The following CPED1 variants were observed in gnomAD, a reference collection of about 807,000 sequenced individuals.
CPED1 encodes cadherin-like and PC-esterase domain-containing protein 1.
A neutral mutation model predicts 128.2 loss-of-function variants in CPED1; 114 were observed. The ratio of observed to expected loss-of-function variants is 0.89; its 90% CI spans 0.76 to 1.04. The LOEUF (loss-of-function observed/expected upper bound fraction) is 1.04, where lower values mean the gene tolerates loss of function less well. Ranked by LOEUF, CPED1 falls within the 50% of genes least tolerant of loss-of-function variation. The pLI is 0.00. For missense variants in CPED1, 1,211 were observed against 1,207.1 expected (o/e 1.00, Z -0.05); for synonymous variants, 462 against 426.7 (o/e 1.08, Z -1.02).
intron 16 of CPED1, among the ~76,000 whole-genome samples, chr7:121,221,698 A>G (rs1688543132): frequency 6.6e-6 from 1 of 152,178 alleles, no homozygotes; most frequent in African/African-American, 2.4e-5. Flanking sequence ...TTTGATTTGC[A>G]TTTCTCTGAT....
chr7:121,290,116 T>C (rs900088052), intron 22 of CPED1, among the ~76,000 whole-genome samples: 2 of 152,200 alleles, frequency 1.3e-5, no homozygotes, highest in African/African-American at 2.4e-5. Flanking sequence ...TTCATCCATG[T>C]CACTGCAAAG....
chr7:121,008,687 T>C (rs936630643), intron 2 of CPED1, among the ~76,000 whole-genome samples: 13 of 152,182 alleles, frequency 8.5e-5, no homozygotes, highest in African/African-American at 3.1e-4. Context: ...GATCATTCTT[T>C]AACAAACCAG....
At chr7:121,080,079 A>T (rs913835936) in intron 5 of CPED1, among the ~76,000 whole-genome samples, 1 of 152,212 alleles carries the variant, frequency 6.6e-6, no homozygotes, top group African/African-American at 2.4e-5. Context: ...ATACCAAAAC[A>T]GCTGGCTAAC....
chr7:121,217,478 G>GAAACA (rs1797783969), intron 16 of CPED1, among the ~76,000 whole-genome samples: 1 of 151,978 alleles, frequency 6.6e-6, no homozygotes, highest in Non-Finnish European at 1.5e-5. Context: ...TCATTGTTTT[G>GAAACA]TATTTCCTAG....
At chr7:121,100,611 A>G (rs1207665212) in intron 7 of CPED1, among the ~76,000 whole-genome samples, 1 of 152,324 alleles carries the variant, frequency 6.6e-6, no homozygotes, top group Non-Finnish European at 1.5e-5. Flanking sequence ...GAAGAACTCA[A>G]TAATAATCCC....
intron 5 of CPED1, chr7:121,076,744 C>T (rs956431360): frequency 1.3e-5 from 2 of 152,048 alleles, no homozygotes; most frequent in African/African-American, 4.8e-5. Context: ...GTTCTGTATT[C>T]AGGGAAAAGG....
At chr7:121,168,063 G>A (rs762020251) in intron 16 of CPED1, among the ~76,000 whole-genome samples, 4 of 152,108 alleles carry the variant, frequency 2.6e-5, no homozygotes, top group Non-Finnish European at 4.4e-5. Flanking sequence ...ACTCGAAAGA[G>A]CTGAGCTTAG....
chr7:121,047,666 TC>T (rs1793236358), intron 4 of CPED1, among the ~76,000 whole-genome samples: 1 of 9,074 alleles, frequency 1.1e-4, no homozygotes, highest in East Asian at 3.2e-3. Flanking sequence ...TTCTTCTTCT[TC>T]TTCTTCTTCT....
rs1357014406 is a variant in CPED1, at chr7:121,185,368, TAGAA to T, written c.2055+43231_2055+43234del. On this transcript the variant is annotated intron_variant, in intron 16 of 22. Transcript: ENST00000310396. ...TCATAAATGACTATGACAAATAGCATAGAAAGACATGCATTGTAGAATTATTTCA... is the reference window on the plus strand; with the variant it reads ...TCATAAATGACTATGACAAATAGCATAGACATGCATTGTAGAATTATTTCA... Among the ~76,000 whole-genome samples the T allele has an allele frequency of 5.3e-5, 8 of 152,334 alleles. No homozygotes were observed. The East Asian group carries it at 1.5e-3, about 29-fold the overall frequency.
At chr7:121,034,975 T>C (rs1052208294) in intron 3 of CPED1, among the ~76,000 whole-genome samples, 1 of 152,164 alleles carries the variant, frequency 6.6e-6, no homozygotes, top group African/African-American at 2.4e-5. Flanking sequence ...TAGGAAGGTG[T>C]CACAAGTAGA....
intron 6 of CPED1, among the ~76,000 whole-genome samples, chr7:121,099,487 C>T (rs1372288210): frequency 6.6e-6 from 1 of 152,120 alleles, no homozygotes; most frequent in Non-Finnish European, 1.5e-5. Context: ...CCTGCCTCAG[C>T]CTCCCAAGTA....
At chr7:121,082,036 A>G (rs1204183160) in intron 5 of CPED1, among the ~76,000 whole-genome samples, 2 of 152,148 alleles carry the variant, frequency 1.3e-5, no homozygotes, top group African/African-American at 4.8e-5. Context: ...ACCCTAAAGG[A>G]AGGAATTTAC....
At position 121,175,282 on chromosome 7, in the gene CPED1, T is replaced by C. The variant is rs1404265; in HGVS notation, c.2055+33141T>C. Among the ~76,000 whole-genome samples, 1,001 of 152,240 alleles carry C rather than the reference T, an allele frequency of 6.6e-3. 10 individuals carry two copies. Among genetic ancestry groups the C allele is most frequent in the African/African-American group, 0.022 (929 of 41,544 alleles). On this transcript the variant is annotated intron_variant, in intron 16 of 22. Transcript: ENST00000310396. Reference sequence around the variant, plus strand: ...AATAGAAGTAGTGAGAGGGCATCCTTGTCTTGTGACAGTTTTCAAGGGGAA... The same window carrying C: ...AATAGAAGTAGTGAGAGGGCATCCTCGTCTTGTGACAGTTTTCAAGGGGAA...
chr7:121,107,589 A>G (rs915576168), intron 7 of CPED1, among the ~76,000 whole-genome samples: 29 of 152,250 alleles, frequency 1.9e-4, no homozygotes, highest in African/African-American at 6.3e-4. Context: ...ACAAAGTGGT[A>G]TGTGGGTGCA....
At chr7:121,047,647 T>TCTTCCTCTTCCTCTTCCTCTTCC (rs1437102895) in intron 4 of CPED1, among the ~76,000 whole-genome samples, 1 of 1,482 alleles carries the variant, frequency 6.7e-4, no homozygotes, top group African/African-American at 1.4e-3. Context: ...GATAGCACCT[T>TCTTCCTCTTCCTCTTCCTCTTCC]TCTTCTTCTT....
Position 121,127,189 on chromosome 7 carries a change from C to T in CPED1, c.1234C>T (p.Pro412Ser). 6.3e-7 allele frequency: 1 copy of T among 1,593,460 alleles called. No individual in the cohort carries two copies. The highest frequency in any genetic ancestry group is 8.6e-7 in the Non-Finnish European group (1 of 1,163,306). Residue 412 changes from proline (P) to serine (S), a missense_variant, in exon 10 of 23, where the codon CCT becomes TCT. Coordinates refer to ENST00000310396, the MANE Select transcript of CPED1 (RefSeq NM_024913.5). ...LLNDTFNFLF[P>S]NESSLSIFSE... Reference sequence around the variant, plus strand: ...AAATGACACTTTCAATTTTCTCTTCCCTAATGAATCATCACTTTCCATATT... The same window carrying T: ...AAATGACACTTTCAATTTTCTCTTCTCTAATGAATCATCACTTTCCATATT...
intron 3 of CPED1, among the ~76,000 whole-genome samples, chr7:121,046,615 A>G (rs1390875783): frequency 6.6e-6 from 1 of 151,946 alleles, no homozygotes; most frequent in Non-Finnish European, 1.5e-5. Flanking sequence ...AATGAATTTT[A>G]TAATGTCTTT....
chr7:121,233,444 G>A (rs933001895), intron 16 of CPED1, among the ~76,000 whole-genome samples: 1 of 152,070 alleles, frequency 6.6e-6, no homozygotes, highest in Non-Finnish European at 1.5e-5. Context: ...AGCTACTTGG[G>A]AAACTGAGAT....
intron 21 of CPED1, among the ~76,000 whole-genome samples, chr7:121,271,016 G>A (rs1356674624): frequency 6.6e-6 from 1 of 151,798 alleles, no homozygotes; most frequent in Non-Finnish European, 1.5e-5. Flanking sequence ...AGTCTTTGTG[G>A]GCAATAAATT....
Sources: allele counts gnomAD v4.1 joint callset (sites outside exome capture counted in the v4.1 genomes callset), GRCh38; gene constraint gnomAD v4.1.1; transcripts MANE v1.5; gene names NCBI Gene and HGNC (gene_info 2026-07-23, HGNC 2026-07-21).